UBE3D: variants seen among roughly 807,000 people sequenced by gnomAD.
UBE3D encodes the protein E3 ubiquitin-protein ligase E3D.
In UBE3D, 48 loss-of-function variants were observed where a neutral mutation model predicts 49.6. The ratio of observed to expected loss-of-function variants is 0.97; its 90% CI spans 0.77 to 1.23. UBE3D has a LOEUF of 1.23. Ranked by LOEUF, UBE3D falls within the 50% of genes most tolerant of loss-of-function variation. UBE3D has a pLI of 0.00. For missense variants in UBE3D, 452 were observed against 468.4 expected (o/e 0.96, Z 0.32); for synonymous variants, 189 against 174.2 (o/e 1.08, Z -0.67).
chr6:83,040,708 A>G (rs56745451), intron 4 of UBE3D, among the ~76,000 whole-genome samples: 5,629 of 152,304 alleles, frequency 0.037, 167 homozygotes, highest in African/African-American at 0.082. Flanking sequence ...CATGAACTTC[A>G]TAAGTCAGTT....
At chr6:82,945,929 A>C (rs140426558) in intron 9 of UBE3D, among the ~76,000 whole-genome samples, 5 of 152,330 alleles carry the variant, frequency 3.3e-5, no homozygotes, top group African/African-American at 1.2e-4. Flanking sequence ...CAGAAGAATT[A>C]GTGGGCTATT....
chr6:83,040,669 A>C (rs1473529331), intron 4 of UBE3D, among the ~76,000 whole-genome samples: 1 of 152,200 alleles, frequency 6.6e-6, no homozygotes, highest in Non-Finnish European at 1.5e-5. Context: ...GCCTTCCTCA[A>C]AAGTCTCTGC....
Position 83,052,045 on chromosome 6 carries a change from T to C in UBE3D, c.365+2103A>G, listed in dbSNP as rs536997721. Among the ~76,000 whole-genome samples, 7 of 152,320 alleles carry C rather than the reference T, an allele frequency of 4.6e-5. No individual in the cohort carries two copies. The South Asian group carries it at 1.5e-3, about 32-fold the overall frequency. On this transcript the variant is annotated intron_variant, in intron 3 of 9. Transcript: ENST00000369747. ...AGGATGATGATGATGATAAGAACAGTAATTATAGCAGTAGCTAATACATAC... is the reference window on the plus strand; with the variant it reads ...AGGATGATGATGATGATAAGAACAGCAATTATAGCAGTAGCTAATACATAC...
chr6:82,919,762 A>G (rs1019798502), intron 9 of UBE3D, among the ~76,000 whole-genome samples: 9 of 152,100 alleles, frequency 5.9e-5, no homozygotes, highest in Admixed American at 2.0e-4. Flanking sequence ...GAGACTGCCT[A>G]TTTTTGAATT....
intron 8 of UBE3D, chr6:83,017,428 T>A (rs762714504): frequency 2.0e-5 from 3 of 152,000 alleles, no homozygotes; most frequent in Non-Finnish European, 4.4e-5. Context: ...ATATAATCAA[T>A]GTACAGCTTA....
chr6:82,949,781 TA>T (rs1380132393), intron 9 of UBE3D, among the ~76,000 whole-genome samples: 1 of 152,138 alleles, frequency 6.6e-6, no homozygotes, highest in African/African-American at 2.4e-5. Context: ...GTCTCTTCAA[TA>T]AATGGTTCTG....
rs1442775013 is a variant in UBE3D at position 83,057,946 on chromosome 6, A to G, written c.154T>C (p.Cys52Arg). ...TCTGCTGGAAGCTGGATTTCTGTGC[A>G]GCCTTCAGGGGTTTTCATCTGGAGT... ...SSLQMKTPEG[C>R]TEIQLPAEVR... is the part of the protein sequence containing the mutation. Residue 52 changes from cysteine (C) to arginine (R), a missense_variant, in exon 2 of 10, where the codon TGC becomes CGC. Transcript: ENST00000369747. The G allele has an allele frequency of 4.3e-6, 7 of 1,614,220 alleles. No individual in the cohort carries two copies. The South Asian group carries it at 7.7e-5, about 18-fold the overall frequency.
chr6:82,975,098 C>G (rs1777622394), intron 8 of UBE3D, among the ~76,000 whole-genome samples: 1 of 151,966 alleles, frequency 6.6e-6, no homozygotes, highest in South Asian at 2.1e-4. Context: ...AAGATAAACA[C>G]ACATTTTTCA....
Position 83,042,811 on chromosome 6 carries a change from G to A in UBE3D, c.597+1617C>T, listed in dbSNP as rs563613530. On this transcript the variant is annotated intron_variant, in intron 4 of 9. Coordinates refer to ENST00000369747, the MANE Select transcript of UBE3D (RefSeq NM_198920.3). ...AAACCCTGCTAGATGGCTAGACTGG[G>A]TGATAGGAGAAATAGGTTTTCAATA... Among the ~76,000 whole-genome samples, 81 of 152,352 alleles carry A rather than the reference G, an allele frequency of 5.3e-4. 1 individual carries two copies. The South Asian group carries it at 0.017, about 32-fold the overall frequency.
intron 8 of UBE3D, among the ~76,000 whole-genome samples, chr6:83,015,473 C>T (rs1780632581): frequency 6.6e-6 from 1 of 152,066 alleles, no homozygotes. Flanking sequence ...AAGGAGAGTC[C>T]CTACTTAGTG....
At chr6:83,016,136 G>A (rs1331995147) in intron 8 of UBE3D, among the ~76,000 whole-genome samples, 1 of 152,178 alleles carries the variant, frequency 6.6e-6, no homozygotes, top group Non-Finnish European at 1.5e-5. Context: ...TTCTCTACAG[G>A]AGATAAGATT....
intron 1 of UBE3D, among the ~76,000 whole-genome samples, chr6:83,061,369 G>C (rs2127858423): frequency 6.6e-6 from 1 of 152,322 alleles, no homozygotes; most frequent in Middle Eastern, 3.4e-3. Flanking sequence ...GGTAAAACAT[G>C]AATGATGTAA....
intron 6 of UBE3D, among the ~76,000 whole-genome samples, 157 bp from the exon 7 acceptor site, chr6:83,022,718 T>G (rs1318791858): frequency 6.6e-6 from 1 of 152,218 alleles, no homozygotes; most frequent in African/African-American, 2.4e-5. Flanking sequence ...TGCACTGATG[T>G]GGATTTTAAT....
intron 5 of UBE3D, among the ~76,000 whole-genome samples, chr6:83,030,577 T>C (rs1393237614): frequency 6.6e-6 from 1 of 152,162 alleles, no homozygotes; most frequent in Non-Finnish European, 1.5e-5. Flanking sequence ...ATTAGCAGCA[T>C]GAGAACGGAC....
intron 9 of UBE3D, among the ~76,000 whole-genome samples, chr6:82,914,844 G>A (rs147225707): frequency 9.2e-5 from 14 of 152,242 alleles, no homozygotes; most frequent in South Asian, 2.1e-4. Flanking sequence ...AAATATGAGC[G>A]ATGAACTGAA....
intron 8 of UBE3D, chr6:83,017,739 T>G (rs1463931339): frequency 6.6e-6 from 1 of 152,150 alleles, no homozygotes; most frequent in African/African-American, 2.4e-5. Context: ...CCATACCCTT[T>G]GACTCAACAA....
intron 5 of UBE3D, chr6:83,036,318 C>G (rs1782252034): frequency 6.6e-6 from 1 of 152,150 alleles, no homozygotes; most frequent in Non-Finnish European, 1.5e-5. Context: ...GCCTCCGTGC[C>G]CGGCCTCTTC....
At chr6:83,057,221 T>G (rs1443704404) in intron 2 of UBE3D, among the ~76,000 whole-genome samples, 1 of 152,178 alleles carries the variant, frequency 6.6e-6, no homozygotes. Flanking sequence ...CTCCTCAGAG[T>G]GGCCTTCACT....
chr6:82,954,551 TCA>T (rs1430864997), intron 9 of UBE3D, among the ~76,000 whole-genome samples: 2 of 152,146 alleles, frequency 1.3e-5, no homozygotes, highest in Admixed American at 6.5e-5. Context: ...GAAGCACTGC[TCA>T]CAGTGACTCA....
Sources: gnomAD v4.1 joint callset for allele counts (sites outside exome capture counted in the v4.1 genomes callset) on GRCh38, gnomAD v4.1.1 for gene constraint, MANE v1.5 for transcripts, NCBI Gene and HGNC (gene_info 2026-07-23, HGNC 2026-07-21) for gene names.